The following STXBP3 variants were observed in gnomAD, a reference collection of about 807,000 sequenced individuals.
The protein encoded by STXBP3 is syntaxin-binding protein 3.
A neutral mutation model predicts 85.7 loss-of-function variants in STXBP3; 41 were observed. The observed-to-expected ratio is 0.48, with a 90% CI of 0.37 to 0.62. The LOEUF is 0.62. Among genes scored for constraint, STXBP3 ranks in the 20% least tolerant of loss-of-function variants. STXBP3 has a pLI of 0.00. For synonymous variants in STXBP3, 229 were observed against 231.7 expected (o/e 0.99, Z 0.10); for missense variants, 563 against 703.1 (o/e 0.80, Z 2.25).
chr1:108,755,612 G>C (rs923353314), intron 3 of STXBP3, among the ~76,000 whole-genome samples: 5 of 151,930 alleles, frequency 3.3e-5, no homozygotes, highest in African/African-American at 1.2e-4. Context: ...AATATTTTCA[G>C]AGCCTGAGCC....
intron 6 of STXBP3, among the ~76,000 whole-genome samples, chr1:108,768,870 G>C: frequency 6.6e-6 from 1 of 152,242 alleles, no homozygotes; most frequent in African/African-American, 2.4e-5. Flanking sequence ...AGGGATTAAA[G>C]AAAGATCTTT....
intron 17 of STXBP3, among the ~76,000 whole-genome samples, chr1:108,804,247 G>T (rs1025744628): frequency 2.6e-5 from 4 of 151,954 alleles, no homozygotes; most frequent in Admixed American, 2.6e-4. Flanking sequence ...TTTTTCTTCA[G>T]ATTTAGTTTT....
chr1:108,747,110 G>GCCGCGCTCCCCACTCTTCTCCGCTCGCGT (rs1553194446), intron 1 of STXBP3, among the ~76,000 whole-genome samples: 4 of 147,394 alleles, frequency 2.7e-5, no homozygotes, highest in Non-Finnish European at 6.0e-5. Context: ...CGTGCCCTCG[G>GCCGCGCTCCCCACTCTTCTCCGCTCGCGT]CCGCGCTCCC....
intron 11 of STXBP3, among the ~76,000 whole-genome samples, chr1:108,785,316 G>T (rs887761773): frequency 2.0e-5 from 3 of 152,156 alleles, no homozygotes; most frequent in Non-Finnish European, 2.9e-5. Context: ...CTCAGTTCTT[G>T]ACTTCTATGC....
intron 11 of STXBP3, among the ~76,000 whole-genome samples, chr1:108,791,233 T>C (rs1397416937): frequency 6.6e-6 from 1 of 152,204 alleles, no homozygotes; most frequent in Non-Finnish European, 1.5e-5. Context: ...TTAAGTATTA[T>C]TGTTTTCCTG....
chr1:108,778,848 C>T (rs909400909), intron 8 of STXBP3, among the ~76,000 whole-genome samples: 8 of 152,192 alleles, frequency 5.3e-5, no homozygotes, highest in South Asian at 2.1e-4. Context: ...TACCAAAATC[C>T]ACACATACTC....
At chr1:108,793,039 A>G (rs1359465245) in intron 11 of STXBP3, among the ~76,000 whole-genome samples, 1 of 152,036 alleles carries the variant, frequency 6.6e-6, no homozygotes, top group Non-Finnish European at 1.5e-5. Context: ...GTACATGTGC[A>G]GCTTAGGGGT....
intron 11 of STXBP3, among the ~76,000 whole-genome samples, chr1:108,786,167 C>T (rs759901297): frequency 6.6e-6 from 1 of 152,194 alleles, no homozygotes; most frequent in Non-Finnish European, 1.5e-5. Flanking sequence ...AGTTGACTCA[C>T]AGTTCCATAT....
chr1:108,801,708 T>TGGAGTGCA (rs1464736913), intron 17 of STXBP3, among the ~76,000 whole-genome samples: 1 of 151,700 alleles, frequency 6.6e-6, no homozygotes, highest in African/African-American at 2.4e-5. Flanking sequence ...TTGCCCACAC[T>TGGAGTGCA]GGAGTGCAGG....
intron 6 of STXBP3, among the ~76,000 whole-genome samples, chr1:108,771,505 G>GATATATATCTATATATA (rs1209219859): frequency 2.3e-5 from 1 of 42,590 alleles, no homozygotes; most frequent in African/African-American, 1.2e-4. Context: ...AAATATATAT[G>GATATATATCTATATATA]ATATATAAAT....
At chr1:108,806,181 C>T (rs1395573721) in intron 17 of STXBP3, among the ~76,000 whole-genome samples, 1 of 151,696 alleles carries the variant, frequency 6.6e-6, no homozygotes, top group Non-Finnish European at 1.5e-5. Context: ...AAAAGTAATT[C>T]CTATGCTCTA....
chr1:108,807,627 A>C (rs1570779085), intron 18 of STXBP3, 78 bp downstream of exon 18: 3 of 1,442,490 alleles, frequency 2.1e-6, no homozygotes, highest in South Asian at 2.6e-5. Context: ...CCCAGGCTGG[A>C]GTGGAATGGC....
chr1:108,763,600 A>T (rs1315867407), intron 6 of STXBP3, among the ~76,000 whole-genome samples: 1 of 152,130 alleles, frequency 6.6e-6, no homozygotes, highest in Non-Finnish European at 1.5e-5. Flanking sequence ...TTTGAGACAG[A>T]GTTTCACTCT....
chr1:108,752,560 T>A (rs1293178344), intron 2 of STXBP3, among the ~76,000 whole-genome samples: 1 of 152,172 alleles, frequency 6.6e-6, no homozygotes, highest in Non-Finnish European at 1.5e-5. Flanking sequence ...GGGATGACTA[T>A]ATAGGGTCTG....
chr1:108,767,529 T>TCGA (rs1662291419), intron 6 of STXBP3: 1 of 177,434 alleles, frequency 5.6e-6, no homozygotes, highest in Non-Finnish European at 1.2e-5. Flanking sequence ...CACACCTGTG[T>TCGA]TGATGAGTGT....
intron 3 of STXBP3, 46 bp from the exon 4 acceptor site, chr1:108,756,644 A>T (rs1172843961): frequency 9.5e-7 from 1 of 1,048,692 alleles, no homozygotes. Flanking sequence ...AATTATTTTA[A>T]GTATATAAAT....
At chr1:108,760,165 G>A (rs1662106787) in intron 6 of STXBP3, 80 bp downstream of exon 6, 1 of 755,916 alleles carries the variant, frequency 1.3e-6, no homozygotes, top group South Asian at 2.1e-5. Flanking sequence ...AGTATATTCT[G>A]AAGATATTTT....
rs145367060 is a variant in STXBP3 at position 108,796,676 on chromosome 1, A to G, written c.1306A>G (p.Ser436Gly). 5.6e-6 allele frequency: 9 copies of G among 1,613,552 alleles called. No homozygotes were observed. The African/African-American group carries it at 1.2e-4, about 22-fold the overall frequency. The stretch of plus-strand genomic sequence containing the variant: ...CCAGAATGTAAAGATAGAAAATGAG[A>G]GTGACATGATTCGTAACTGGAGTTA... ...LIQNVKIENE[S>G]DMIRNWSYLG... The change falls in exon 15 of 19, where the codon AGT (serine) becomes GGT (glycine). Residue 436 changes from serine (S) to glycine (G), a missense_variant. Ser to Gly is a moderately conservative substitution (Grantham distance 56). Around this residue, in one of 3 missense-constraint regions of STXBP3, gnomAD observed 494 missense variants for 592.8 expected, o/e 0.83. Coordinates refer to ENST00000370008, the MANE Select transcript of STXBP3 (RefSeq NM_007269.4).
intron 6 of STXBP3, among the ~76,000 whole-genome samples, chr1:108,769,114 T>G (rs1662328437): frequency 6.6e-6 from 1 of 152,168 alleles, no homozygotes; most frequent in African/African-American, 2.4e-5. Flanking sequence ...TTGTTTTTAC[T>G]ATATTCTAAC....
Sources: gnomAD v4.1 joint callset for allele counts (sites outside exome capture counted in the v4.1 genomes callset) on GRCh38, gnomAD v4.1.1 for gene constraint, gnomAD v4.1.1 regional missense constraint, MANE v1.5 for transcripts, NCBI Gene and HGNC (gene_info 2026-07-23, HGNC 2026-07-21) for gene names.